The following CD82 variants were observed in gnomAD, a reference collection of about 807,000 sequenced individuals.
CD82 encodes CD82 molecule.
A neutral mutation model predicts 37.4 loss-of-function variants in CD82; 36 were observed. The ratio of observed to expected loss-of-function variants is 0.96; its 90% CI spans 0.74 to 1.27. The LOEUF (loss-of-function observed/expected upper bound fraction) is 1.27, where lower values mean the gene tolerates loss of function less well. Among genes scored for constraint, CD82 ranks in the 50% most tolerant of loss-of-function variants. CD82 has a pLI of 0.00. For synonymous variants in CD82, 158 were observed against 137.4 expected, an observed-to-expected ratio of 1.15 and a Z score of -1.05; for missense variants, 340 against 347.0, an observed-to-expected ratio of 0.98 and a Z score of 0.16.
intron 7 of CD82, among the ~76,000 whole-genome samples, chr11:44,615,820 G>T (rs185048838): frequency 2.6e-5 from 4 of 152,172 alleles, no homozygotes; most frequent in Non-Finnish European, 5.9e-5. Flanking sequence ...TACTGGTTTC[G>T]CCAGTATGTG....
At chr11:44,580,190 C>T (rs548336808) in intron 1 of CD82, among the ~76,000 whole-genome samples, 1 of 152,310 alleles carries the variant, frequency 6.6e-6, no homozygotes, top group East Asian at 1.9e-4. Context: ...AGTTAGAGAC[C>T]TGCTTCTACC....
At position 44,615,372 on chromosome 11, in the gene CD82, A is replaced by G. The variant is rs762386509; in HGVS notation, c.437A>G (p.Gln146Arg). ...LQDAWDYVQA[Q>R]VKCCGWVSFY... ...GATGCCTGGGACTACGTGCAGGCTC[A>G]GGTGAGGTGGGGCGGGGCTGCAGGA... is the stretch of plus-strand genomic sequence containing the variant. Residue 146 changes from glutamine (Q) to arginine (R), a missense_variant and splice_region_variant, in exon 7 of 10, where the codon CAG becomes CGG. Physicochemically the swap from Gln to Arg is conservative, Grantham distance 43. Coordinates refer to ENST00000227155, the MANE Select transcript of CD82 (RefSeq NM_002231.4). 1.2e-6 allele frequency: 2 copies of G among 1,601,530 alleles called. No individual in the cohort carries two copies. Among genetic ancestry groups the G allele is most frequent in the Non-Finnish European group, 1.7e-6 (2 of 1,168,624 alleles).
intron 7 of CD82, 110 bp from the exon 8 acceptor site, chr11:44,618,052 G>A: frequency 2.3e-6 from 2 of 866,148 alleles, no homozygotes; most frequent in Non-Finnish European, 3.6e-6. Context: ...CCAGGGGCCT[G>A]GAAGTGGCAT....
rs1853245582 is a variant in CD82, at chr11:44,597,454, G to T, written c.64-2704G>T. 6.6e-6 allele frequency among the ~76,000 whole-genome samples: 1 copy of T among 152,240 alleles called. No homozygotes were observed. The highest frequency in any genetic ancestry group is 1.5e-5 in the Non-Finnish European group (1 of 68,044). On this transcript the variant is annotated intron_variant, in intron 3 of 9. Coordinates refer to ENST00000227155, the MANE Select transcript of CD82 (RefSeq NM_002231.4). This position sits in a 1 kb window ranked among gnomAD's most constrained non-coding sequence, Gnocchi z 4.1. ...CATGGTGCCTTGCCCATTCTGGTAG[G>T]CTGCCCAGCCTCCTTTCTGGCTCTG...
Position 44,605,150 on chromosome 11 carries a change from G to A in CD82, c.229G>A (p.Ala77Thr), listed in dbSNP as rs1448835814. 2.5e-6 allele frequency: 4 copies of A among 1,613,992 alleles called. No homozygotes were observed. Among genetic ancestry groups the A allele is most frequent in the East Asian group, 4.5e-5 (2 of 44,892 alleles). Reference sequence around the variant, plus strand: ...CATGGGCTTCCTGGGCTGCATCGGCGCCGTCAACGAGGTCCGCTGCCTGCT... The same window carrying A: ...CATGGGCTTCCTGGGCTGCATCGGCACCGTCAACGAGGTCCGCTGCCTGCT... The part of the protein sequence containing the change: ...MLMGFLGCIG[A>T]VNEVRCLLGL... Residue 77 changes from alanine to threonine, a missense_variant, in exon 5 of 10, where the codon GCC becomes ACC. Ala to Thr is a moderately conservative substitution (Grantham distance 58, BLOSUM62 0). Coordinates refer to ENST00000227155, the MANE Select transcript of CD82 (RefSeq NM_002231.4).
chr11:44,569,807 G>C lies in CD82; in HGVS notation c.-103+4071G>C, dbSNP rs146829957. ...TGGCGGTAAAGCACTGGACTTTAGA[G>C]TTGAGATCTCGGCCCTGCCAATTTC... On this transcript the variant is annotated intron_variant, in intron 1 of 9. Coordinates refer to ENST00000227155, the MANE Select transcript of CD82 (RefSeq NM_002231.4). Among the ~76,000 whole-genome samples the C allele has an allele frequency of 1.4e-4, 21 of 152,292 alleles. No individual in the cohort carries two copies. The East Asian group carries it at 4.1e-3, about 29-fold the overall frequency.
chr11:44,571,634 G>T (rs1228258561), intron 1 of CD82, among the ~76,000 whole-genome samples: 1 of 152,042 alleles, frequency 6.6e-6, no homozygotes, highest in Non-Finnish European at 1.5e-5. Flanking sequence ...GAGTGCAGTG[G>T]TGCAATCTTG....
chr11:44,619,461 T>A lies in CD82; in HGVS notation c.*335T>A. On this transcript the variant is annotated 3_prime_UTR_variant, in exon 10 of 10. Coordinates refer to ENST00000227155, the MANE Select transcript of CD82 (RefSeq NM_002231.4). ...TGTATATTGTATAGGGGCAACTGTATGAAAAATTGGGGAGGAGGGGGCCGG... is the reference window on the plus strand; with the variant it reads ...TGTATATTGTATAGGGGCAACTGTAAGAAAAATTGGGGAGGAGGGGGCCGG... 4.4e-6 allele frequency: 1 copy of A among 225,430 alleles called. No homozygotes were observed. Among genetic ancestry groups the A allele is most frequent in the Non-Finnish European group, 8.8e-6 (1 of 113,966 alleles). 14.0% of individuals were successfully genotyped at this position (225,430 alleles called of 1,614,324 possible).
At chr11:44,603,821 G>T (rs548129618) in intron 4 of CD82, among the ~76,000 whole-genome samples, 17 of 152,244 alleles carry the variant, frequency 1.1e-4, no homozygotes, top group African/African-American at 4.1e-4. Context: ...CTCTAAAGAG[G>T]GTCTTAGCCA....
At chr11:44,618,563 G>C in intron 8 of CD82, 77 bp from the exon 9 acceptor site, 2 of 1,298,026 alleles carry the variant, frequency 1.5e-6, no homozygotes, top group Non-Finnish European at 2.2e-6. Context: ...GCTGGGACTG[G>C]GGGGCTCTCG....
intron 2 of CD82, among the ~76,000 whole-genome samples, chr11:44,592,709 G>A (rs969740092): frequency 1.3e-5 from 2 of 152,180 alleles, no homozygotes; most frequent in African/African-American, 4.8e-5. Flanking sequence ...TGGGCACGGG[G>A]AAGTCATGTT....
intron 7 of CD82, among the ~76,000 whole-genome samples, chr11:44,615,995 T>A (rs897391037): frequency 1.3e-5 from 2 of 152,152 alleles, no homozygotes; most frequent in African/African-American, 4.8e-5. Flanking sequence ...CCTGTCTCAA[T>A]AGTGATCCAA....
At chr11:44,616,487 G>T (rs1333286898) in intron 7 of CD82, among the ~76,000 whole-genome samples, 1 of 152,150 alleles carries the variant, frequency 6.6e-6, no homozygotes, top group Non-Finnish European at 1.5e-5. Context: ...TTGGGAGGTG[G>T]TAAGCATCCT....
intron 1 of CD82, among the ~76,000 whole-genome samples, chr11:44,573,963 G>A (rs1351278179): frequency 6.6e-6 from 1 of 152,202 alleles, no homozygotes; most frequent in Non-Finnish European, 1.5e-5. Flanking sequence ...AGAGGTTAAG[G>A]GTGGTGATGA....
rs558789686 is a variant in CD82, at chr11:44,616,807, G to C, written c.439-1355G>C. Among the ~76,000 whole-genome samples, 125 of 152,338 alleles carry C rather than the reference G, an allele frequency of 8.2e-4. 1 individual carries two copies. Among genetic ancestry groups the C allele is most frequent in the African/African-American group, 2.8e-3 (118 of 41,580 alleles). On this transcript the variant is annotated intron_variant, in intron 7 of 9. Transcript: ENST00000227155. ...TGCTGCTGGGGACCAGGTACAGCCG[G>C]AGTCAGGCCAAGGGGTTGCTTGGAA...
At chr11:44,567,641 C>T (rs1474294458) in intron 1 of CD82, among the ~76,000 whole-genome samples, 6 of 151,916 alleles carry the variant, frequency 3.9e-5, no homozygotes, top group African/African-American at 9.7e-5. Context: ...GAGGAGGAGA[C>T]GTTCATTTCA....
At chr11:44,578,103 CCCAGGCGA>C (rs1366750434) in intron 1 of CD82, among the ~76,000 whole-genome samples, 3 of 152,120 alleles carry the variant, frequency 2.0e-5, no homozygotes, top group Non-Finnish European at 4.4e-5. Context: ...GGGGATGGGG[CCCAGGCGA>C]CCTGAGGGCG....
intron 7 of CD82, 42 bp from the exon 8 acceptor site, chr11:44,618,120 G>A (rs747202661): frequency 1.9e-6 from 3 of 1,590,722 alleles, no homozygotes; most frequent in Admixed American, 1.7e-5. Flanking sequence ...CCTGCCTAGG[G>A]TGAGCCGTGA....
intron 8 of CD82, 44 bp downstream of exon 8, chr11:44,618,409 TG>T (rs780742479): frequency 1.3e-6 from 2 of 1,553,118 alleles, no homozygotes; most frequent in Non-Finnish European, 1.8e-6. Flanking sequence ...CCGAGGGCGT[TG>T]GGGGCCATCT....
Sources: allele counts gnomAD v4.1 joint callset (sites outside exome capture counted in the v4.1 genomes callset), GRCh38; gene constraint gnomAD v4.1.1; non-coding constraint Gnocchi (gnomAD v3.1); transcripts MANE v1.5; gene names NCBI Gene and HGNC (gene_info 2026-07-23, HGNC 2026-07-21).